SMCO2: variants seen among roughly 807,000 people sequenced by gnomAD.
The protein encoded by SMCO2 is single-pass membrane and coiled-coil domain-containing protein 2.
SMCO2 carries 25 observed loss-of-function variants against 29.5 expected under a neutral mutation model. That is an observed-to-expected ratio of 0.85 (90% CI 0.62 to 1.18). SMCO2 has a LOEUF of 1.18. Ranked by LOEUF, SMCO2 falls within the 50% of genes most tolerant of loss-of-function variation. SMCO2 has a pLI of 0.00. For missense variants in SMCO2, 348 were observed against 344.5 expected, an observed-to-expected ratio of 1.01 and a Z score of -0.08; for synonymous variants, 117 against 123.3, an observed-to-expected ratio of 0.95 and a Z score of 0.34.
Position 27,494,249 on chromosome 12 carries a change from A to G in SMCO2, c.451-51A>G, listed in dbSNP as rs566175612. ...AAATAAGTGAGATTTTATTGTACAAACCAGAAAAATATAAGTTTCATTTTA... is the reference window on the plus strand; with the variant it reads ...AAATAAGTGAGATTTTATTGTACAAGCCAGAAAAATATAAGTTTCATTTTA... On this transcript the variant is annotated intron_variant, in intron 5 of 7. Coordinates refer to ENST00000298876, the Ensembl canonical transcript of SMCO2. The G allele has an allele frequency of 3.0e-5, 37 of 1,229,412 alleles. No individual in the cohort carries two copies. The African/African-American group carries it at 3.5e-4, about 12-fold the overall frequency. The allele number at this position is 1,229,412 out of a possible 1,614,324, so 76.2% of individuals were successfully genotyped here.
At chr12:27,433,616 A>G in the SMCO2 span, among the ~76,000 whole-genome samples, 2 of 152,166 alleles carry the variant, frequency 1.3e-5, no homozygotes, top group South Asian at 2.1e-4. Flanking sequence ...ACTCTACCCA[A>G]CTTTTAGTGA....
the SMCO2 span, among the ~76,000 whole-genome samples, chr12:27,456,559 C>T: frequency 1.3e-4 from 20 of 152,258 alleles, no homozygotes; most frequent in South Asian, 2.1e-4. Flanking sequence ...GCTGGGACTA[C>T]GGGTGTGCAC....
intron 5 of SMCO2, among the ~76,000 whole-genome samples, chr12:27,489,236 A>G (rs1334559529): frequency 6.6e-6 from 1 of 152,020 alleles, no homozygotes; most frequent in Non-Finnish European, 1.5e-5. Context: ...TTTAGTAGAG[A>G]TGGGGTTTCA....
chr12:27,436,545 C>T, the SMCO2 span, among the ~76,000 whole-genome samples: 125,386 of 152,036 alleles, frequency 0.82, 52,373 homozygotes, highest in Middle Eastern at 0.94. Flanking sequence ...GAGGAAGAAA[C>T]GAAAAGAAGA....
intron 3 of SMCO2, among the ~76,000 whole-genome samples, chr12:27,473,522 A>G (rs770856720): frequency 6.6e-5 from 10 of 152,206 alleles, no homozygotes; most frequent in East Asian, 1.9e-4. Flanking sequence ...GATAATATGC[A>G]TGGGGTCCTA....
At chr12:27,453,931 C>A in the SMCO2 span, among the ~76,000 whole-genome samples, 56 of 152,250 alleles carry the variant, frequency 3.7e-4, no homozygotes, top group African/African-American at 1.3e-3. Flanking sequence ...ATCTCATCAT[C>A]CAGATATAAC....
At chr12:27,477,210 G>GTTTTTTT (rs770789669) in intron 4 of SMCO2, among the ~76,000 whole-genome samples, 2 of 62,650 alleles carry the variant, frequency 3.2e-5, no homozygotes, top group African/African-American at 1.0e-4. Flanking sequence ...TGGCTGTCAG[G>GTTTTTTT]TTTTTTTTTT....
the SMCO2 span, among the ~76,000 whole-genome samples, chr12:27,441,799 T>C: frequency 6.6e-6 from 1 of 152,184 alleles, no homozygotes; most frequent in Non-Finnish European, 1.5e-5. Context: ...ACATGGAATA[T>C]TTTTCAGAAT....
chr12:27,446,269 G>A, the SMCO2 span, among the ~76,000 whole-genome samples: 1 of 152,148 alleles, frequency 6.6e-6, no homozygotes, highest in Non-Finnish European at 1.5e-5. Flanking sequence ...AACAGAGGGA[G>A]CAGGAGGGGA....
exon 2 of SMCO2, chr12:27,470,752 G>A: frequency 6.4e-7 from 1 of 1,550,782 alleles, no homozygotes; most frequent in South Asian, 1.2e-5. Flanking sequence ...TGTGACTGAA[G>A]GTGCAATGCA....
intron 4 of SMCO2, among the ~76,000 whole-genome samples, chr12:27,482,596 C>T (rs918905081): frequency 3.3e-5 from 5 of 152,232 alleles, no homozygotes; most frequent in African/African-American, 4.8e-5. Flanking sequence ...CCACCACACC[C>T]GGCCAACCCA....
the SMCO2 span, among the ~76,000 whole-genome samples, chr12:27,426,533 G>A: frequency 6.6e-6 from 1 of 152,134 alleles, no homozygotes; most frequent in Non-Finnish European, 1.5e-5. Flanking sequence ...CTTTAGTGAG[G>A]ATTAAATTAG....
chr12:27,492,422 G>A (rs1023169395), intron 5 of SMCO2, among the ~76,000 whole-genome samples: 8 of 152,164 alleles, frequency 5.3e-5, no homozygotes, highest in African/African-American at 1.9e-4. Flanking sequence ...CTGAGGCTGG[G>A]CATGGTGGCT....
Position 27,501,903 on chromosome 12 carries a change from G to T in SMCO2, c.684-20G>T, listed in dbSNP as rs532086135. ...TTATTTTCAGAATTTGGTTAACACA[G>T]ATGTTTTCTCTCTTTGTAGGAAACG... On this transcript the variant is annotated intron_variant, in intron 7 of 7. Coordinates refer to ENST00000298876, the Ensembl canonical transcript of SMCO2. 456 of 1,497,908 alleles carry T rather than the reference G, an allele frequency of 3.0e-4. 36 individuals are homozygous for T. In the African/African-American group the frequency reaches 6.2e-3, roughly 20 times the overall value. The allele number at this position is 1,497,908 out of a possible 1,614,324, so 92.8% of individuals were successfully genotyped here.
chr12:27,467,589 G>T (rs1949507814), intron 1 of SMCO2, among the ~76,000 whole-genome samples: 1 of 151,928 alleles, frequency 6.6e-6, no homozygotes, highest in East Asian at 1.9e-4. Flanking sequence ...CTAGTCAAAA[G>T]TTGGCTTCAA....
chr12:27,440,493 T>C, the SMCO2 span, among the ~76,000 whole-genome samples: 1 of 152,200 alleles, frequency 6.6e-6, no homozygotes, highest in African/African-American at 2.4e-5. Flanking sequence ...AGTCCACTTA[T>C]AACTCTAGAA....
chr12:27,497,116 T>A (rs1334548769), intron 7 of SMCO2: 1 of 156,174 alleles, frequency 6.4e-6, no homozygotes, highest in Non-Finnish European at 1.5e-5. Context: ...CAGTTTCACC[T>A]CCTATTGGAA....
rs77969785 is a variant in SMCO2, at chr12:27,499,776, A to G, written c.684-2147A>G. On this transcript the variant is annotated intron_variant, in intron 7 of 7. Transcript: ENST00000298876. ...TCTCTTGTTAAAGAACTGGAGATAT[A>G]TTGGTTTAACTACAGCATATTTATA... Among the ~76,000 whole-genome samples, 36 of 150,908 alleles carry G rather than the reference A, an allele frequency of 2.4e-4. 2 individuals are homozygous for G. Among genetic ancestry groups the G allele is most frequent in the Admixed American group, 6.6e-4 (10 of 15,214 alleles).
At chr12:27,448,569 G>A in the SMCO2 span, among the ~76,000 whole-genome samples, 85 of 152,158 alleles carry the variant, frequency 5.6e-4, no homozygotes, top group Non-Finnish European at 1.1e-3. Flanking sequence ...GGGGCCAGCA[G>A]ACCCTTAAGC....
Sources: allele counts gnomAD v4.1 joint callset (sites outside exome capture counted in the v4.1 genomes callset), GRCh38; gene constraint gnomAD v4.1.1; transcripts MANE v1.5; gene names NCBI Gene and HGNC (gene_info 2026-07-23, HGNC 2026-07-21).